Variants in CPNE8 observed in about 807,000 individuals in gnomAD.
CPNE8 encodes the protein copine-8.
In CPNE8, 45 loss-of-function variants were observed where a neutral mutation model predicts 81.5. The observed-to-expected ratio is 0.55, with a 90% CI of 0.44 to 0.71. CPNE8 has a LOEUF of 0.71. Ranked by LOEUF, CPNE8 falls within the 30% of genes least tolerant of loss-of-function variation. The pLI, the probability that CPNE8 is intolerant of heterozygous loss-of-function variation, is 0.00. For synonymous variants in CPNE8, 252 were observed against 226.3 expected, an observed-to-expected ratio of 1.11 and a Z score of -1.02; for missense variants, 594 against 672.1, an observed-to-expected ratio of 0.88 and a Z score of 1.28.
In CPNE8 at chr12:38,848,791, G is replaced by A. The variant is rs980421581; in HGVS notation, c.187-129C>T. On this transcript the variant is annotated intron_variant, in intron 3 of 19. Coordinates refer to ENST00000331366, the MANE Select transcript of CPNE8 (RefSeq NM_153634.3). ...ATCCAAATAATAGAAATTTTTTAGC[G>A]ATAAAATCACCTCTCTTATTTATTC... 3.8e-5 allele frequency: 45 copies of A among 1,196,586 alleles called. No homozygotes were observed. The African/African-American group carries it at 5.5e-4, about 15-fold the overall frequency. 74.1% of individuals were successfully genotyped at this position (1,196,586 alleles called of 1,614,324 possible).
rs1435342960 is a variant in CPNE8, at chr12:38,675,620, C to T, written c.1432+97G>A. The T allele has an allele frequency of 8.9e-6, 7 of 787,376 alleles. 1 individual carries two copies. The highest frequency in any genetic ancestry group is 6.1e-5 in the South Asian group (4 of 65,310). 48.8% of individuals were successfully genotyped at this position (787,376 alleles called of 1,614,324 possible). A position where few individuals can be genotyped will look rare whatever the true frequency, so the allele number is the denominator to read the frequency against. The stretch of plus-strand genomic sequence containing the variant: ...ATATACAAACCCAAATACACAGTCA[C>T]ATCCTTCTAAAGAGACAAGAATGGC... On this transcript the variant is annotated intron_variant, in intron 18 of 19. Transcript: ENST00000331366.
rs939631559 is a variant in CPNE8 at position 38,685,695 on chromosome 12, G to T, written c.1144-78C>A. 4.8e-6 allele frequency: 7 copies of T among 1,473,580 alleles called. No homozygotes were observed. The East Asian group carries it at 1.6e-4, about 34-fold the overall frequency. 91.3% of individuals were successfully genotyped at this position (1,473,580 alleles called of 1,614,324 possible). A position where few individuals can be genotyped will look rare whatever the true frequency, so the allele number is the denominator to read the frequency against. ...TCCATGAAGATCAATTGAAAGAGAT[G>T]AGAATAATACACGTTGACACTCATA... is the stretch of plus-strand genomic sequence containing the variant. On this transcript the variant is annotated intron_variant, in intron 15 of 19. Transcript: ENST00000331366.
At chr12:38,677,749 T>G (rs1165192425) in intron 16 of CPNE8, among the ~76,000 whole-genome samples, 195 bp from the exon 17 acceptor site, 1 of 151,820 alleles carries the variant, frequency 6.6e-6, no homozygotes, top group Non-Finnish European at 1.5e-5. Context: ...TGTTAGTGCA[T>G]GCTGGCACAC....
At chr12:38,825,007 G>A (rs1469263262) in intron 6 of CPNE8, among the ~76,000 whole-genome samples, 2 of 152,190 alleles carry the variant, frequency 1.3e-5, no homozygotes, top group East Asian at 3.8e-4. Flanking sequence ...AAAGATATCT[G>A]GTCAGGGCAG....
intron 18 of CPNE8, 152 bp from the exon 19 acceptor site, chr12:38,670,954 C>T (rs1037644894): frequency 5.5e-6 from 3 of 541,738 alleles, no homozygotes; most frequent in Non-Finnish European, 9.6e-6. Context: ...ATTCATTTCT[C>T]ATACAAAACT....
At chr12:38,872,348 C>T (rs1944006214) in intron 3 of CPNE8, among the ~76,000 whole-genome samples, 1 of 152,144 alleles carries the variant, frequency 6.6e-6, no homozygotes, top group African/African-American at 2.4e-5. Flanking sequence ...ATAGCACTAA[C>T]CTCACTAGGG....
intron 15 of CPNE8, among the ~76,000 whole-genome samples, chr12:38,688,176 CTG>C (rs1459692892): frequency 2.0e-5 from 3 of 152,100 alleles, no homozygotes; most frequent in African/African-American, 7.2e-5. Flanking sequence ...TTTGATGAAA[CTG>C]TATGTTATCA....
At chr12:38,796,995 C>T (rs915273229) in intron 6 of CPNE8, among the ~76,000 whole-genome samples, 10 of 152,228 alleles carry the variant, frequency 6.6e-5, no homozygotes, top group South Asian at 4.1e-4. Context: ...GGCTGGGGGA[C>T]GGGTGCCCGC....
At chr12:38,738,846 C>T (rs1470191681) in intron 10 of CPNE8, among the ~76,000 whole-genome samples, 16 of 130,478 alleles carry the variant, frequency 1.2e-4, no homozygotes, top group African/African-American at 4.3e-4. Context: ...CAGGGTCTTG[C>T]TCTGTTGCCC....
chr12:38,702,210 C>T (rs1939965727), intron 14 of CPNE8, among the ~76,000 whole-genome samples: 1 of 152,102 alleles, frequency 6.6e-6, no homozygotes, highest in Non-Finnish European at 1.5e-5. Flanking sequence ...AGTTAACATT[C>T]TGATGATACA....
intron 5 of CPNE8, among the ~76,000 whole-genome samples, chr12:38,839,421 G>C (rs577330532): frequency 6.6e-6 from 1 of 152,072 alleles, no homozygotes; most frequent in Admixed American, 6.5e-5. Context: ...TAAGTGACTT[G>C]AGGACAGAGA....
chr12:38,740,313 T>A (rs1941065103), intron 10 of CPNE8, among the ~76,000 whole-genome samples: 1 of 152,204 alleles, frequency 6.6e-6, no homozygotes, highest in Admixed American at 6.5e-5. Flanking sequence ...GACGATGAGG[T>A]TTTCTAGATA....
chr12:38,760,603 T>C (rs578074773), intron 10 of CPNE8, among the ~76,000 whole-genome samples: 9 of 152,128 alleles, frequency 5.9e-5, no homozygotes, highest in African/African-American at 2.2e-4. Flanking sequence ...TAGACATCTA[T>C]AATCATCAGA....
chr12:38,717,346 T>TACTTGCACATACATGTTC, intron 13 of CPNE8, among the ~76,000 whole-genome samples: 3 of 148,762 alleles, frequency 2.0e-5, no homozygotes, highest in Middle Eastern at 6.9e-3. Flanking sequence ...CATACATGTT[T>TACTTGCACATACATGTTC]ATAGCAGCAC....
At chr12:38,778,064 G>A (rs906357208) in intron 6 of CPNE8, among the ~76,000 whole-genome samples, 2 of 151,918 alleles carry the variant, frequency 1.3e-5, no homozygotes, top group East Asian at 1.9e-4. Context: ...CAAGCTCAGG[G>A]GTCCCACTGA....
At chr12:38,775,438 C>G (rs1941910791) in intron 7 of CPNE8, among the ~76,000 whole-genome samples, 1 of 152,104 alleles carries the variant, frequency 6.6e-6, no homozygotes, top group Non-Finnish European at 1.5e-5. Flanking sequence ...GTTTCTGTTC[C>G]TACAATCAAG....
chr12:38,896,870 C>A (rs2137155593), intron 1 of CPNE8, among the ~76,000 whole-genome samples: 1 of 152,200 alleles, frequency 6.6e-6, no homozygotes, highest in East Asian at 1.9e-4. Context: ...AGTACAGATA[C>A]CTTCTTCTAT....
At chr12:38,776,867 C>T (rs1941949248) in intron 6 of CPNE8, among the ~76,000 whole-genome samples, 1 of 152,018 alleles carries the variant, frequency 6.6e-6, no homozygotes, top group South Asian at 2.1e-4. Flanking sequence ...TGGTGTAATG[C>T]TGAGGCAAAC....
intron 11 of CPNE8, among the ~76,000 whole-genome samples, chr12:38,728,535 G>C (rs1940757364): frequency 6.6e-6 from 1 of 151,986 alleles, no homozygotes; most frequent in African/African-American, 2.4e-5. Context: ...AGATTTTCCT[G>C]TTTGAGGAAC....
Sources: gnomAD v4.1 joint callset for allele counts (sites outside exome capture counted in the v4.1 genomes callset) on GRCh38, gnomAD v4.1.1 for gene constraint, MANE v1.5 for transcripts, NCBI Gene and HGNC (gene_info 2026-07-23, HGNC 2026-07-21) for gene names.